TRPM3: variants seen among roughly 807,000 people sequenced by gnomAD.
TRPM3 encodes the protein long transient receptor potential channel 3.
In TRPM3, 77 loss-of-function variants were observed where a neutral mutation model predicts 181.2. The ratio of observed to expected loss-of-function variants is 0.42; its 90% CI spans 0.35 to 0.51. The LOEUF (loss-of-function observed/expected upper bound fraction) is 0.51, where lower values mean the gene tolerates loss of function less well. Among genes scored for constraint, TRPM3 ranks in the 20% least tolerant of loss-of-function variants. The pLI is 0.01. For missense variants in TRPM3, 1,759 were observed against 2,196.7 expected, an observed-to-expected ratio of 0.80 and a Z score of 3.98; for synonymous variants, 745 against 796.4, an observed-to-expected ratio of 0.94 and a Z score of 1.09.
intron 1 of TRPM3, among the ~76,000 whole-genome samples, chr9:71,025,598 T>C (rs2097888683): frequency 6.6e-6 from 1 of 152,236 alleles, no homozygotes. Context: ...TCACTGTTGG[T>C]ACAATATACA....
intron 1 of TRPM3, among the ~76,000 whole-genome samples, chr9:71,333,790 G>A (rs531560098): frequency 6.6e-6 from 1 of 151,916 alleles, no homozygotes; most frequent in Non-Finnish European, 1.5e-5. Context: ...GTTTGAAACA[G>A]TAGATACCTA....
At chr9:70,965,918 A>G (rs1379387042) in intron 1 of TRPM3, among the ~76,000 whole-genome samples, 5 of 151,900 alleles carry the variant, frequency 3.3e-5, no homozygotes, top group Non-Finnish European at 5.9e-5. Flanking sequence ...AAGAGCTTCT[A>G]TACGGTAAAC....
intron 1 of TRPM3, among the ~76,000 whole-genome samples, chr9:71,201,972 G>A (rs1451272228): frequency 6.6e-6 from 1 of 152,090 alleles, no homozygotes; most frequent in Admixed American, 6.5e-5. Flanking sequence ...ATCTACTTTT[G>A]GTCTTTGATG....
At chr9:71,213,876 G>A (rs936906045) in intron 1 of TRPM3, among the ~76,000 whole-genome samples, 22 of 152,116 alleles carry the variant, frequency 1.4e-4, no homozygotes, top group Admixed American at 3.9e-4. Flanking sequence ...TTTTTTCCTG[G>A]TACAACAAAC....
At chr9:70,930,851 A>G (rs905780081) in intron 1 of TRPM3, among the ~76,000 whole-genome samples, 8 of 152,182 alleles carry the variant, frequency 5.3e-5, no homozygotes, top group African/African-American at 1.9e-4. Context: ...AGAACAGGAA[A>G]AACAGGGCAA....
intron 8 of TRPM3, among the ~76,000 whole-genome samples, chr9:70,760,494 C>T (rs150648248): frequency 8.8e-4 from 132 of 149,660 alleles, no homozygotes; most frequent in Admixed American, 4.0e-3. Flanking sequence ...ACCGTGTGCC[C>T]CACCCGCTCG....
At chr9:70,861,747 A>G (rs1419963955) in intron 3 of TRPM3, among the ~76,000 whole-genome samples, 2 of 152,188 alleles carry the variant, frequency 1.3e-5, no homozygotes, top group Non-Finnish European at 2.9e-5. Flanking sequence ...AGTTTTGCAT[A>G]GGCCAAGACT....
chr9:70,681,825 C>T (rs1366260379), intron 8 of TRPM3, among the ~76,000 whole-genome samples: 1 of 152,178 alleles, frequency 6.6e-6, no homozygotes, highest in African/African-American at 2.4e-5. Context: ...ATATACACCC[C>T]ACTATGGTCT....
chr9:70,756,623 C>T (rs1175967358), intron 8 of TRPM3, among the ~76,000 whole-genome samples: 10 of 151,570 alleles, frequency 6.6e-5, no homozygotes, highest in South Asian at 2.1e-4. Flanking sequence ...CTCAAAAGAA[C>T]GGAAACCAAC....
intron 1 of TRPM3, chr9:70,916,927 C>G (rs932780483): frequency 9.2e-7 from 1 of 1,087,266 alleles, no homozygotes; most frequent in Non-Finnish European, 1.3e-6. Flanking sequence ...TCTTTAGATA[C>G]TGATGGTGGC....
chr9:70,944,342 C>T (rs554278028), intron 1 of TRPM3, among the ~76,000 whole-genome samples: 1 of 152,310 alleles, frequency 6.6e-6, no homozygotes, highest in Admixed American at 6.5e-5. Context: ...GGATGAGTTT[C>T]TCTTGTATCC....
At chr9:71,105,411 G>A (rs917111676) in intron 1 of TRPM3, among the ~76,000 whole-genome samples, 1 of 152,182 alleles carries the variant, frequency 6.6e-6, no homozygotes, top group Non-Finnish European at 1.5e-5. Context: ...AAAACACCAG[G>A]GTGGTTAGGA....
chr9:71,377,731 T>C (rs1285235946), intron 1 of TRPM3, among the ~76,000 whole-genome samples: 1 of 152,026 alleles, frequency 6.6e-6, no homozygotes, highest in Non-Finnish European at 1.5e-5. Context: ...CCAATGTTAC[T>C]AACATCCATG....
intron 1 of TRPM3, among the ~76,000 whole-genome samples, chr9:71,379,775 CA>C (rs2092754493): frequency 6.6e-6 from 1 of 151,894 alleles, no homozygotes; most frequent in Non-Finnish European, 1.5e-5. Context: ...ATCTGTGAAT[CA>C]GACAGCCCTG....
chr9:71,052,115 C>G (rs1345505986), intron 1 of TRPM3, among the ~76,000 whole-genome samples: 1 of 152,038 alleles, frequency 6.6e-6, no homozygotes, highest in Non-Finnish European at 1.5e-5. Flanking sequence ...AGATTCACAG[C>G]CTAGTGTCCC....
chr9:70,698,300 C>T (rs2071268947), intron 8 of TRPM3, among the ~76,000 whole-genome samples: 1 of 152,072 alleles, frequency 6.6e-6, no homozygotes, highest in Admixed American at 6.5e-5. Context: ...GAGCAAGCAG[C>T]CTCTGGAGTC....
chr9:71,051,445 G>A (rs1012694190), intron 1 of TRPM3, among the ~76,000 whole-genome samples: 8 of 152,016 alleles, frequency 5.3e-5, no homozygotes, highest in Non-Finnish European at 1.0e-4. Context: ...AGGTAGCCAC[G>A]TACCCAAGGT....
At chr9:70,668,987 C>T (rs543155582) in intron 9 of TRPM3, among the ~76,000 whole-genome samples, 27 of 152,304 alleles carry the variant, frequency 1.8e-4, no homozygotes, top group African/African-American at 6.5e-4. Flanking sequence ...CCAAGAGGAG[C>T]TCAGAAGCGT....
intron 1 of TRPM3, among the ~76,000 whole-genome samples, chr9:70,953,141 T>C (rs2097023141): frequency 6.6e-6 from 1 of 152,230 alleles, no homozygotes; most frequent in Admixed American, 6.5e-5. Flanking sequence ...AGACAAAGTC[T>C]GTGACATATC....
Sources: gnomAD v4.1 joint callset for allele counts (sites outside exome capture counted in the v4.1 genomes callset) on GRCh38, gnomAD v4.1.1 for gene constraint, MANE v1.5 for transcripts, NCBI Gene and HGNC (gene_info 2026-07-23, HGNC 2026-07-21) for gene names.